FRAS1: variants seen among roughly 807,000 people sequenced by gnomAD.
FRAS1 encodes extracellular matrix organizing protein FRAS1.
FRAS1 carries 290 observed loss-of-function variants against 435.2 expected under a neutral mutation model. The observed-to-expected ratio is 0.67, with a 90% CI of 0.61 to 0.73. The LOEUF is 0.73. FRAS1 is among the 30% of genes least tolerant of loss of function. The pLI is 0.00. For synonymous variants in FRAS1, 1,800 were observed against 1,851.0 expected, an observed-to-expected ratio of 0.97 and a Z score of 0.71; for missense variants, 4,860 against 5,001.5, an observed-to-expected ratio of 0.97 and a Z score of 0.85.
intron 20 of FRAS1, among the ~76,000 whole-genome samples, chr4:78,346,004 G>A (rs1205472635): frequency 6.6e-6 from 1 of 152,162 alleles, no homozygotes; most frequent in Non-Finnish European, 1.5e-5. Flanking sequence ...CAGTATTGCT[G>A]TTTCTTCCTA....
intron 35 of FRAS1, among the ~76,000 whole-genome samples, chr4:78,426,226 AAGTG>A (rs1225016436): frequency 1.3e-5 from 2 of 152,200 alleles, no homozygotes; most frequent in African/African-American, 4.8e-5. Context: ...TGGTTATGAA[AAGTG>A]AGTGTCATGG....
At chr4:78,290,434 T>C (rs1727832914) in intron 14 of FRAS1, among the ~76,000 whole-genome samples, 1 of 150,390 alleles carries the variant, frequency 6.6e-6, no homozygotes, top group African/African-American at 2.5e-5. Context: ...GACCACCTGG[T>C]TTCTTTTTTT....
rs376531044 is a variant in FRAS1, at chr4:78,456,401, C to T, written c.6763+4047C>T. The stretch of plus-strand genomic sequence containing the variant: ...CAAGTGATCTGCCTGCTTTGGCATC[C>T]GAAAGTGCTGTGTTTACAGGCATGA... On this transcript the variant is annotated intron_variant, in intron 47 of 73. Transcript: ENST00000512123. Among the ~76,000 whole-genome samples, 6 of 152,182 alleles carry T rather than the reference C, an allele frequency of 3.9e-5. No homozygotes were observed. In the East Asian group the frequency reaches 9.6e-4, roughly 24 times the overall value.
intron 47 of FRAS1, among the ~76,000 whole-genome samples, chr4:78,453,818 G>T (rs1431985432): frequency 6.6e-6 from 1 of 152,008 alleles, no homozygotes; most frequent in Non-Finnish European, 1.5e-5. Context: ...ACAATCTAAA[G>T]GTAGAATTAT....
chr4:78,128,849 T>C (rs1423355874), intron 2 of FRAS1, among the ~76,000 whole-genome samples: 3 of 152,200 alleles, frequency 2.0e-5, no homozygotes, highest in African/African-American at 7.2e-5. Flanking sequence ...TCCTGAATGG[T>C]ATTGCCTAGG....
chr4:78,493,996 T>C (rs2867446), intron 59 of FRAS1, among the ~76,000 whole-genome samples: 32,501 of 151,998 alleles, frequency 0.21, 4,262 homozygotes, highest in Non-Finnish European at 0.28. Flanking sequence ...TACTAAGCCC[T>C]TCTCTTATGT....
rs957282591 is a variant in FRAS1, at chr4:78,421,777, A to G, written c.4541-86A>G. 14 of 1,459,780 alleles carry G rather than the reference A, an allele frequency of 9.6e-6. No individual in the cohort carries two copies. The African/African-American group carries it at 1.5e-4, about 16-fold the overall frequency. 90.4% of individuals were successfully genotyped at this position (1,459,780 alleles called of 1,614,324 possible). A position where few individuals can be genotyped will look rare whatever the true frequency, so the allele number is the denominator to read the frequency against. On this transcript the variant is annotated intron_variant, in intron 33 of 73. Coordinates refer to ENST00000512123, the MANE Select transcript of FRAS1 (RefSeq NM_025074.7). ...TCCGAAGAATGTCAGACTCCCACCA[A>G]CAAGAAGAGCAGGCTCTATGGCTCT...
chr4:78,114,670 A>G (rs190309829), intron 2 of FRAS1, among the ~76,000 whole-genome samples: 3,514 of 152,252 alleles, frequency 0.023, 66 homozygotes, highest in South Asian at 0.091. Flanking sequence ...ATTTTTGCAC[A>G]TTGATTTTGT....
rs763881491 is a variant in FRAS1 at position 78,375,850 on chromosome 4, C to G, written c.3263C>G (p.Ser1088Cys). 5 of 1,613,862 alleles carry G rather than the reference C, an allele frequency of 3.1e-6. No individual in the cohort carries two copies. Among genetic ancestry groups the G allele is most frequent in the African/African-American group, 1.3e-5 (1 of 75,052 alleles). Residue 1088 changes from serine (S) to cysteine (C), a missense_variant, in exon 26 of 74, where the codon TCT becomes TGT. Transcript: ENST00000512123. ...GTTTACAACTGTGTTCCTGGCTTTTCTGTCCACACCTCTAATGAAACATGT... is the reference window on the plus strand; with the variant it reads ...GTTTACAACTGTGTTCCTGGCTTTTGTGTCCACACCTCTAATGAAACATGT... ...LCVYNCVPGF[S>C]VHTSNETCSG...
chr4:78,490,145 C>T (rs948461282), intron 59 of FRAS1, among the ~76,000 whole-genome samples: 4 of 152,038 alleles, frequency 2.6e-5, no homozygotes, highest in Non-Finnish European at 5.9e-5. Context: ...TACAGGAACA[C>T]CCAGATTCAC....
intron 11 of FRAS1, 90 bp downstream of exon 11, chr4:78,281,523 C>G: frequency 1.3e-6 from 1 of 781,166 alleles, no homozygotes; most frequent in Non-Finnish European, 2.0e-6. Flanking sequence ...AACTTAGGAC[C>G]TTAGTATTTT....
intron 20 of FRAS1, among the ~76,000 whole-genome samples, chr4:78,344,088 T>A (rs1006934687): frequency 3.3e-5 from 4 of 120,792 alleles, no homozygotes; most frequent in African/African-American, 1.6e-4. Context: ...CATCCATCCC[T>A]CAATGCCTGG....
intron 59 of FRAS1, among the ~76,000 whole-genome samples, chr4:78,495,701 T>A (rs144078547): frequency 6.6e-6 from 1 of 152,292 alleles, no homozygotes; most frequent in East Asian, 1.9e-4. Flanking sequence ...TACAGTCTAG[T>A]AGTCTGTGTT....
chr4:78,069,710 A>G (rs1412910234), intron 2 of FRAS1, among the ~76,000 whole-genome samples: 1 of 152,152 alleles, frequency 6.6e-6, no homozygotes, highest in African/African-American at 2.4e-5. Flanking sequence ...TCTCCTTAGC[A>G]ACCAAGAAGA....
chr4:78,224,002 G>A (rs1442577900), intron 2 of FRAS1, among the ~76,000 whole-genome samples: 4 of 152,102 alleles, frequency 2.6e-5, no homozygotes, highest in Non-Finnish European at 5.9e-5. Flanking sequence ...AACATTTCCA[G>A]TGGAGAAACT....
Position 78,479,596 on chromosome 4 carries a change from C to A in FRAS1, c.8321C>A (p.Ala2774Glu). ...GAAGAAGAGTTTGAGATTGCCTTGG[C>A]AGATGCCTCTGACAATGCCCGCATT... ...EEEEEFEIAL[A>E]DASDNARIGR... Residue 2774 changes from alanine to glutamate, a missense_variant, in exon 56 of 74, where the codon GCA becomes GAA. By Grantham distance (107) the Ala-to-Glu change is moderately radical. Transcript: ENST00000512123. 2 of 1,613,952 alleles carry A rather than the reference C, an allele frequency of 1.2e-6. No individual in the cohort carries two copies. Among genetic ancestry groups the A allele is most frequent in the Non-Finnish European group, 1.7e-6 (2 of 1,179,836 alleles).
chr4:78,458,855 C>CA (rs1203019845), intron 47 of FRAS1, among the ~76,000 whole-genome samples: 1 of 151,828 alleles, frequency 6.6e-6, no homozygotes, highest in African/African-American at 2.4e-5. Flanking sequence ...ATAGAGATGA[C>CA]AAAAAAATAC....
chr4:78,158,356 A>G (rs1720981486), intron 2 of FRAS1, among the ~76,000 whole-genome samples: 1 of 152,064 alleles, frequency 6.6e-6, no homozygotes, highest in Non-Finnish European at 1.5e-5. Flanking sequence ...GATTTCTTTA[A>G]GCAATATTTT....
intron 65 of FRAS1, among the ~76,000 whole-genome samples, chr4:78,513,901 A>G (rs993737542): frequency 1.3e-5 from 2 of 152,238 alleles, no homozygotes; most frequent in African/African-American, 4.8e-5. Flanking sequence ...GGTATATTTT[A>G]GTGTCTTCAT....
Sources: gnomAD v4.1 joint callset for allele counts (sites outside exome capture counted in the v4.1 genomes callset) on GRCh38, gnomAD v4.1.1 for gene constraint, MANE v1.5 for transcripts, NCBI Gene and HGNC (gene_info 2026-07-23, HGNC 2026-07-21) for gene names.